CPNE5: variants seen among roughly 807,000 people sequenced by gnomAD.
CPNE5 encodes the protein copine 5.
In CPNE5, 42 loss-of-function variants were observed where a neutral mutation model predicts 81.1. That is an observed-to-expected ratio of 0.52 (90% CI 0.40 to 0.67). The LOEUF (loss-of-function observed/expected upper bound fraction) is 0.67. Among genes scored for constraint, CPNE5 ranks in the 30% least tolerant of loss-of-function variants. CPNE5 has a pLI of 0.00. For synonymous variants in CPNE5, 313 were observed against 321.5 expected (o/e 0.97, Z 0.28); for missense variants, 612 against 815.5 (o/e 0.75, Z 3.04).
At chr6:36,834,302 AGGG>A (rs1773252614) in intron 1 of CPNE5, among the ~76,000 whole-genome samples, 1 of 76,956 alleles carries the variant, frequency 1.3e-5, no homozygotes, top group Admixed American at 1.6e-4. Context: ...GGAGGGAGGG[AGGG>A]AGGGAGGAAG....
chr6:36,802,244 A>G, intron 3 of CPNE5, among the ~76,000 whole-genome samples: 1 of 139,430 alleles, frequency 7.2e-6, no homozygotes, highest in African/African-American at 2.8e-5. Context: ...AAAAAAAAAA[A>G]AGGTTATGAT....
chr6:36,832,177 G>T (rs533439485), intron 1 of CPNE5, among the ~76,000 whole-genome samples: 2 of 152,222 alleles, frequency 1.3e-5, no homozygotes, highest in South Asian at 2.1e-4. Context: ...TCCATTGACC[G>T]TAGGAAAATC....
At chr6:36,777,915 C>A (rs532863053) in intron 9 of CPNE5, among the ~76,000 whole-genome samples, 2 of 152,212 alleles carry the variant, frequency 1.3e-5, no homozygotes, top group East Asian at 3.9e-4. Flanking sequence ...TTCCCCCACC[C>A]CCATGGCAGG....
intron 1 of CPNE5, among the ~76,000 whole-genome samples, chr6:36,829,803 G>A: frequency 8.7e-6 from 1 of 114,722 alleles, no homozygotes; most frequent in East Asian, 2.6e-4. Flanking sequence ...ACAGAGTGTG[G>A]CTCCATCTCA....
intron 4 of CPNE5, among the ~76,000 whole-genome samples, chr6:36,798,891 C>A (rs1454711399): frequency 6.6e-6 from 1 of 152,180 alleles, no homozygotes; most frequent in Non-Finnish European, 1.5e-5. Flanking sequence ...GCAGCCTAGC[C>A]TTGGCTGCCC....
rs527797208 is a variant in CPNE5 at position 36,768,225 on chromosome 6, C to CTTTTTTTCTTTTTTT, written c.738-2850_738-2849insAAAAAAAGAAAAAAA. 1.2e-3 allele frequency among the ~76,000 whole-genome samples: 75 copies of CTTTTTTTCTTTTTTT among 60,510 alleles called. 12 individuals are homozygous for CTTTTTTTCTTTTTTT. Among genetic ancestry groups the CTTTTTTTCTTTTTTT allele is most frequent in the Non-Finnish European group, 1.6e-3 (54 of 32,806 alleles). The allele number at this position is 60,510 out of a possible 152,430, so 39.7% of individuals were successfully genotyped here. ...GGCTTTGACTACTCTATTCACAGTTCTTTTTTTTTTTTTTTTTTTTTTTTT... is the reference window on the plus strand; with the variant it reads ...GGCTTTGACTACTCTATTCACAGTTCTTTTTTTCTTTTTTTTTTTTTTTTTTTTTTTTTTTTTTTT... On this transcript the variant is annotated intron_variant, in intron 10 of 20. Coordinates refer to ENST00000244751, the MANE Select transcript of CPNE5 (RefSeq NM_020939.2).
At chr6:36,768,240 T>C (rs867140227) in intron 10 of CPNE5, among the ~76,000 whole-genome samples, 3 of 115,794 alleles carry the variant, frequency 2.6e-5, no homozygotes, top group Admixed American at 8.8e-5. Context: ...TTTTTTTTTT[T>C]TTTTTTTTTT....
intron 1 of CPNE5, among the ~76,000 whole-genome samples, chr6:36,834,692 C>T (rs1158488672): frequency 2.6e-5 from 4 of 151,702 alleles, no homozygotes; most frequent in Non-Finnish European, 4.4e-5. Flanking sequence ...AAATTGCATA[C>T]GGTTCAGCCT....
At chr6:36,826,024 G>A (rs1213733961) in intron 1 of CPNE5, among the ~76,000 whole-genome samples, 1 of 152,142 alleles carries the variant, frequency 6.6e-6, no homozygotes, top group East Asian at 1.9e-4. Flanking sequence ...GAAGGACAAC[G>A]CTTAACTCCT....
chr6:36,787,751 G>A (rs1377759038), intron 8 of CPNE5, among the ~76,000 whole-genome samples: 1 of 152,168 alleles, frequency 6.6e-6, no homozygotes, highest in East Asian at 1.9e-4. Context: ...CAGTTATGGT[G>A]TGAAGTTATA....
At chr6:36,772,978 C>T (rs1159837871) in intron 10 of CPNE5, among the ~76,000 whole-genome samples, 1 of 152,068 alleles carries the variant, frequency 6.6e-6, no homozygotes, top group Non-Finnish European at 1.5e-5. Context: ...TAGCTGGGTC[C>T]ACAGATGTGC....
At chr6:36,792,697 A>G (rs992727849) in intron 7 of CPNE5, among the ~76,000 whole-genome samples, 1 of 152,150 alleles carries the variant, frequency 6.6e-6, no homozygotes, top group African/African-American at 2.4e-5. Flanking sequence ...TGAAGTGGGC[A>G]ACCAGATCAA....
chr6:36,799,791 T>C (rs1769942895), intron 4 of CPNE5, among the ~76,000 whole-genome samples, 176 bp downstream of exon 4: 1 of 152,126 alleles, frequency 6.6e-6, no homozygotes, highest in Non-Finnish European at 1.5e-5. Flanking sequence ...TCTTCCCCCT[T>C]TCCATCTCTC....
At chr6:36,749,378 A>T (rs1764550027) in intron 14 of CPNE5, among the ~76,000 whole-genome samples, 1 of 152,222 alleles carries the variant, frequency 6.6e-6, no homozygotes, top group Admixed American at 6.5e-5. Flanking sequence ...TTTCTGACTC[A>T]AACAAACCAA....
intron 7 of CPNE5, chr6:36,792,441 C>T (rs1261356500): frequency 8.1e-6 from 11 of 1,353,956 alleles, no homozygotes; most frequent in Admixed American, 4.4e-5. Flanking sequence ...CATCCAAAGA[C>T]CACTTCTGTG....
chr6:36,806,611 C>A (rs1467705541), intron 3 of CPNE5, among the ~76,000 whole-genome samples: 1 of 152,226 alleles, frequency 6.6e-6, no homozygotes, highest in East Asian at 1.9e-4. Context: ...TAAAATCTCT[C>A]CAGTTAAACC....
Position 36,823,149 on chromosome 6 carries a change from G to A in CPNE5, c.96-51C>T, listed in dbSNP as rs781702644. On this transcript the variant is annotated intron_variant, in intron 1 of 20. Coordinates refer to ENST00000244751, the MANE Select transcript of CPNE5 (RefSeq NM_020939.2). ...TTAGCACGGCCAGCTGAGAGGAGGCGACCTCAGGGGATTCAGGCTGTTACC... is the reference window on the plus strand; with the variant it reads ...TTAGCACGGCCAGCTGAGAGGAGGCAACCTCAGGGGATTCAGGCTGTTACC... The A allele has an allele frequency of 9.0e-6, 13 of 1,440,840 alleles. No homozygotes were observed. In the Admixed American group the frequency reaches 1.7e-4, roughly 19 times the overall value. 89.3% of individuals were successfully genotyped at this position (1,440,840 alleles called of 1,614,324 possible). A position where few individuals can be genotyped will look rare whatever the true frequency, so the allele number is the denominator to read the frequency against.
chr6:36,818,866 A>G (rs1771794885), intron 3 of CPNE5, among the ~76,000 whole-genome samples: 1 of 152,240 alleles, frequency 6.6e-6, no homozygotes, highest in African/African-American at 2.4e-5. Context: ...CTCACCAAAG[A>G]GTGCCCTTCT....
At chr6:36,826,764 G>C (rs1444401591) in intron 1 of CPNE5, among the ~76,000 whole-genome samples, 2 of 152,348 alleles carry the variant, frequency 1.3e-5, no homozygotes, top group East Asian at 3.9e-4. Flanking sequence ...GTGGCACACG[G>C]TCAAGCTCAG....
Sources: gnomAD v4.1 joint callset for allele counts (sites outside exome capture counted in the v4.1 genomes callset) on GRCh38, gnomAD v4.1.1 for gene constraint, MANE v1.5 for transcripts, NCBI Gene and HGNC (gene_info 2026-07-23, HGNC 2026-07-21) for gene names.